The following IFT46 variants were observed in gnomAD, a reference collection of about 807,000 sequenced individuals.
The protein encoded by IFT46 is intraflagellar transport protein 46 homolog.
A neutral mutation model predicts 39.6 loss-of-function variants in IFT46; 19 were observed. The observed-to-expected ratio is 0.48, with a 90% CI of 0.33 to 0.70. The LOEUF (loss-of-function observed/expected upper bound fraction) is 0.70. Ranked by LOEUF, IFT46 falls within the 30% of genes least tolerant of loss-of-function variation. The pLI is 0.01. For missense variants in IFT46, 334 were observed against 364.8 expected (o/e 0.92, Z 0.69); for synonymous variants, 117 against 134.8 (o/e 0.87, Z 0.91).
At chr11:118,557,833 C>T (rs782754407) in intron 3 of IFT46, 3 of 1,614,072 alleles carry the variant, frequency 1.9e-6, no homozygotes, top group South Asian at 1.1e-5. Flanking sequence ...GCAGGTGGAA[C>T]AGGGTCCATG....
intron 7 of IFT46, among the ~76,000 whole-genome samples, chr11:118,554,217 A>ATT (rs1235977473): frequency 6.8e-6 from 1 of 146,876 alleles, no homozygotes; most frequent in African/African-American, 2.5e-5. Context: ...CACCCTGCTA[A>ATT]TTTTTTTTTT....
upstream of IFT46, among the ~76,000 whole-genome samples, chr11:118,576,771 G>C (rs1938524454): frequency 6.6e-6 from 1 of 152,162 alleles, no homozygotes; most frequent in Admixed American, 6.5e-5. Flanking sequence ...GCTATACTTA[G>C]TATGGGGAAC....
chr11:118,567,900 T>G (rs1555071788), upstream of IFT46, among the ~76,000 whole-genome samples: 1 of 152,200 alleles, frequency 6.6e-6, no homozygotes, highest in African/African-American at 2.4e-5. Flanking sequence ...TAATTGAGGC[T>G]TAGACAGTTA....
rs186521575 is a variant in IFT46, at chr11:118,555,638, A to C, written c.186-316T>G. 3 of 250,038 alleles carry C rather than the reference A, an allele frequency of 1.2e-5. No individual in the cohort carries two copies. The East Asian group carries it at 3.2e-4, about 27-fold the overall frequency. 15.5% of individuals were successfully genotyped at this position (250,038 alleles called of 1,614,324 possible). A position where few individuals can be genotyped will look rare whatever the true frequency, so the allele number is the denominator to read the frequency against. The stretch of plus-strand genomic sequence containing the variant: ...AAGAAAAGGTAGAACAAGAGATTTT[A>C]GGGCTGGGCGTGGTGGCTCACACCT... On this transcript the variant is annotated intron_variant, in intron 4 of 11. Coordinates refer to ENST00000264021, the MANE Select transcript of IFT46 (RefSeq NM_001168618.2).
exon 1 of IFT46, chr11:118,572,645 C>G: frequency 6.6e-7 from 1 of 1,512,290 alleles, no homozygotes; most frequent in African/African-American, 1.4e-5. Flanking sequence ...GAGCCCCGCC[C>G]TGAGGGTCTA....
Position 118,544,825 on chromosome 11 carries a change from G to A in IFT46, c.*91C>T. On this transcript the variant is annotated 3_prime_UTR_variant, in exon 12 of 12. Transcript: ENST00000264021. ...GCCCCTGAGCCAAGCTGTGGCATGG[G>A]CAAGGACATCAAGTAGCTGACAACG... The A allele has an allele frequency of 1.1e-6, 1 of 896,444 alleles. No individual in the cohort carries two copies. The highest frequency in any genetic ancestry group is 1.9e-5 in the Admixed American group (1 of 51,510). The allele number at this position is 896,444 out of a possible 1,614,324, so 55.5% of individuals were successfully genotyped here.
chr11:118,545,314 A>G (rs2135460372), intron 11 of IFT46, 95 bp downstream of exon 11: 3 of 921,954 alleles, frequency 3.3e-6, no homozygotes, highest in East Asian at 4.8e-5. Flanking sequence ...GAGACATCCT[A>G]CATCGCTATA....
upstream of IFT46, among the ~76,000 whole-genome samples, chr11:118,574,413 A>G (rs1938434097): frequency 6.6e-6 from 1 of 152,196 alleles, no homozygotes; most frequent in South Asian, 2.1e-4. Flanking sequence ...ACATTTCATT[A>G]TGAAATTTTC....
rs1555072628 is a variant in IFT46 at position 118,572,545 on chromosome 11, A to G, written c.-133+51T>C. 6 of 1,610,886 alleles carry G rather than the reference A, an allele frequency of 3.7e-6. No homozygotes were observed. Among genetic ancestry groups the G allele is most frequent in the Admixed American group, 1.7e-5 (1 of 59,804 alleles). ...GCGGGCGCGCCCCACCACCGCCCTC[A>G]CCATGGTAAGATCCGAGCCAGGACC... On this transcript the variant is annotated intron_variant, in intron 1 of 5. Coordinates refer to the IFT46 transcript ENST00000528378.
At chr11:118,568,651 T>A (rs896252999), upstream of IFT46, among the ~76,000 whole-genome samples, 4 of 152,092 alleles carry the variant, frequency 2.6e-5, no homozygotes, top group Non-Finnish European at 4.4e-5. Context: ...CTAAAGAAAG[T>A]TTGTACCCAT....
upstream of IFT46, among the ~76,000 whole-genome samples, chr11:118,567,865 T>C (rs1405671749): frequency 1.3e-5 from 2 of 152,244 alleles, no homozygotes; most frequent in Non-Finnish European, 2.9e-5. Context: ...ATGAGATAGA[T>C]GTTACTGCCA....
chr11:118,562,835 G>A (rs992680668), intron 2 of IFT46, among the ~76,000 whole-genome samples: 40 of 152,226 alleles, frequency 2.6e-4, no homozygotes, highest in African/African-American at 8.7e-4. Flanking sequence ...GGAGGCCGAG[G>A]TGGGTGGATC....
chr11:118,554,512 G>A lies in IFT46; in HGVS notation c.430C>T (p.Pro144Ser). 4 of 1,613,684 alleles carry A rather than the reference G, an allele frequency of 2.5e-6. No homozygotes were observed. Among genetic ancestry groups the A allele is most frequent in the Non-Finnish European group, 3.4e-6 (4 of 1,179,870 alleles). Reference sequence around the variant, plus strand: ...GTTAACCAGAGTGAGAGCACCGTAGGGTCTGACTGCTTTGTAGAAGGTTCA... The same window carrying A: ...GTTAACCAGAGTGAGAGCACCGTAGAGTCTGACTGCTTTGTAGAAGGTTCA... ...LDEPSTKQSD[P>S]TVLSLWLTEN... Residue 144 changes from proline to serine, a missense_variant, in exon 7 of 12, where the codon CCT (proline) becomes TCT (serine). Physicochemically the swap from Pro to Ser is moderately conservative, Grantham distance 74 (BLOSUM62 -1). Transcript: ENST00000264021.
At chr11:118,545,267 T>C (rs1268201222) in intron 11 of IFT46, 142 bp downstream of exon 11, 26 of 762,942 alleles carry the variant, frequency 3.4e-5, no homozygotes, top group Admixed American at 2.5e-4. Flanking sequence ...CCTCCTTTGC[T>C]CTCCTAATTA....
In IFT46 at chr11:118,555,248, C is replaced by T. The variant is rs944278383; in HGVS notation, c.260G>A (p.Arg87Lys). Residue 87 changes from arginine to lysine, a missense_variant and splice_region_variant, in exon 5 of 12, where the codon AGG (arginine) becomes AAG (lysine). Physicochemically the swap from Arg to Lys is conservative, Grantham distance 26. Transcript: ENST00000264021. ...TATGGTGGGAGGTCCTAGTACTCAC[C>T]TACTGATGTACTGGAAGAGTTCCTT... is the stretch of plus-strand genomic sequence containing the variant. ...EIKELFQYIS[R>K]YTPQLIDLDH... 4 of 1,611,162 alleles carry T rather than the reference C, an allele frequency of 2.5e-6. No individual in the cohort carries two copies. Among genetic ancestry groups the T allele is most frequent in the African/African-American group, 2.7e-5 (2 of 74,844 alleles).
At chr11:118,561,618 C>A in intron 2 of IFT46, 1 of 503,148 alleles carries the variant, frequency 2.0e-6, no homozygotes, top group Non-Finnish European at 3.7e-6. Context: ...CAGATAAAGA[C>A]GATAAACATA....
upstream of IFT46, among the ~76,000 whole-genome samples, chr11:118,576,426 T>TAAA (rs10671866): frequency 0.066 from 7,169 of 108,156 alleles, 214 homozygotes; most frequent in African/African-American, 0.09. Flanking sequence ...CCAAAAATGT[T>TAAA]AAAAAAAAAA....
intron 1 of IFT46, among the ~76,000 whole-genome samples, chr11:118,571,796 T>C (rs765028955): frequency 2.0e-5 from 3 of 152,192 alleles, no homozygotes; most frequent in Non-Finnish European, 4.4e-5. Flanking sequence ...TGCTGAGTTA[T>C]AAGAGTTCTT....
chr11:118,570,058 T>TA (rs1469263794), upstream of IFT46, among the ~76,000 whole-genome samples: 3 of 147,618 alleles, frequency 2.0e-5, no homozygotes, highest in Non-Finnish European at 4.5e-5. Context: ...TTTTTTTTTT[T>TA]TTTTTTTTTT....
Sources: allele counts gnomAD v4.1 joint callset (sites outside exome capture counted in the v4.1 genomes callset), GRCh38; gene constraint gnomAD v4.1.1; transcripts MANE v1.5; gene names NCBI Gene and HGNC (gene_info 2026-07-23, HGNC 2026-07-21).